Variants in TBC1D4 observed in about 807,000 individuals in gnomAD.
TBC1D4 encodes TBC1 domain family member 4.
In TBC1D4, 121 loss-of-function variants were observed where a neutral mutation model predicts 142.5. The observed-to-expected ratio is 0.85, with a 90% confidence interval of 0.73 to 0.99. The LOEUF is 0.99. Among genes scored for constraint, TBC1D4 ranks in the 50% least tolerant of loss-of-function variants. The pLI is 0.00. For synonymous variants in TBC1D4, 630 were observed against 628.2 expected, an observed-to-expected ratio of 1.00 and a Z score of -0.04; for missense variants, 1,475 against 1,606.6, an observed-to-expected ratio of 0.92 and a Z score of 1.40.
chr13:75,298,103 G>GA (rs869195722), intron 17 of TBC1D4, among the ~76,000 whole-genome samples: 2 of 39,914 alleles, frequency 5.0e-5, no homozygotes, highest in Admixed American at 5.3e-4. Context: ...CTGGGAAACA[G>GA]AAAAAAATAG....
At chr13:75,461,673 A>G (rs1887973605) in intron 1 of TBC1D4, among the ~76,000 whole-genome samples, 1 of 152,224 alleles carries the variant, frequency 6.6e-6, no homozygotes, top group Admixed American at 6.5e-5. Context: ...TGAGTTCTTC[A>G]TTTCCTACAT....
chr13:75,390,309 G>GAA (rs1224601654), intron 1 of TBC1D4, among the ~76,000 whole-genome samples: 1 of 145,302 alleles, frequency 6.9e-6, no homozygotes, highest in Non-Finnish European at 1.5e-5. Context: ...AGAAAGAAAA[G>GAA]AAAAGAAGTC....
At chr13:75,333,527 C>G (rs1057172734) in intron 8 of TBC1D4, among the ~76,000 whole-genome samples, 1 of 152,104 alleles carries the variant, frequency 6.6e-6, no homozygotes, top group Non-Finnish European at 1.5e-5. Context: ...AAGTACAGTA[C>G]AAAAATTTTT....
chr13:75,432,707 T>C (rs1886640472), intron 1 of TBC1D4, among the ~76,000 whole-genome samples: 1 of 152,176 alleles, frequency 6.6e-6, no homozygotes, highest in Non-Finnish European at 1.5e-5. Context: ...TGATGCACTT[T>C]CTATAGCCTC....
At chr13:75,388,446 G>T (rs1006427252) in intron 1 of TBC1D4, among the ~76,000 whole-genome samples, 11 of 152,030 alleles carry the variant, frequency 7.2e-5, no homozygotes, top group Admixed American at 7.2e-4. Context: ...GTTCTCAAAG[G>T]TTAAATTTTA....
intron 1 of TBC1D4, among the ~76,000 whole-genome samples, chr13:75,422,688 G>T (rs899068687): frequency 6.6e-6 from 1 of 152,072 alleles, no homozygotes; most frequent in African/African-American, 2.4e-5. Context: ...TATTCTCTGG[G>T]CATTTATATT....
Position 75,362,573 on chromosome 13 carries a change from GATA to G in TBC1D4, c.530_532del (p.Leu177del). ...GGCATCCTCTTTCATGGCCGCTTTA[GATA>G]ATTGCCTTATGCTGCTAATAACATC... is the stretch of plus-strand genomic sequence containing the variant. On this transcript the variant is annotated inframe_deletion, in exon 2 of 21. Coordinates refer to ENST00000377636, the MANE Select transcript of TBC1D4 (RefSeq NM_014832.5). This position sits in a 1 kb window ranked among gnomAD's most constrained non-coding sequence, Gnocchi z 4.2. 6.2e-7 allele frequency: 1 copy of G among 1,614,138 alleles called. No individual in the cohort carries two copies. Among genetic ancestry groups the G allele is most frequent in the Non-Finnish European group, 8.5e-7 (1 of 1,180,008 alleles).
chr13:75,399,009 G>GA (rs1251756016), intron 1 of TBC1D4, among the ~76,000 whole-genome samples: 3 of 152,176 alleles, frequency 2.0e-5, no homozygotes, highest in Admixed American at 2.0e-4. Flanking sequence ...TTGATATACA[G>GA]AAAGTTCTTA....
At position 75,466,096 on chromosome 13, in the gene TBC1D4, G is replaced by A. The variant is rs150972591; in HGVS notation, c.498+15174C>T. Among the ~76,000 whole-genome samples, 10 of 152,274 alleles carry A rather than the reference G, an allele frequency of 6.6e-5. No homozygotes were observed. In the South Asian group the frequency reaches 1.5e-3, roughly 22 times the overall value. The stretch of plus-strand genomic sequence containing the variant: ...TCATCTGAGAGCTGTGTCAGAGGCC[G>A]TTGGTCACTCCTATTTGTCTCAGAA... On this transcript the variant is annotated intron_variant, in intron 1 of 20. Coordinates refer to ENST00000377636, the MANE Select transcript of TBC1D4 (RefSeq NM_014832.5).
chr13:75,291,322 C>T (rs867302381), intron 19 of TBC1D4, among the ~76,000 whole-genome samples: 1 of 152,182 alleles, frequency 6.6e-6, no homozygotes, highest in African/African-American at 2.4e-5. Context: ...ACCACAACAA[C>T]CAGCACAGAA....
chr13:75,468,868 AC>A (rs1473979535), intron 1 of TBC1D4, among the ~76,000 whole-genome samples: 4 of 152,182 alleles, frequency 2.6e-5, no homozygotes, highest in Non-Finnish European at 5.9e-5. Context: ...TGGGCACACA[AC>A]CATGTGCAGG....
At chr13:75,410,417 C>T (rs1885589634) in intron 1 of TBC1D4, among the ~76,000 whole-genome samples, 2 of 152,100 alleles carry the variant, frequency 1.3e-5, no homozygotes, top group African/African-American at 2.4e-5. Flanking sequence ...TACCACAGCC[C>T]GTCACGCTAA....
intron 1 of TBC1D4, among the ~76,000 whole-genome samples, chr13:75,383,089 A>G (rs1337674310): frequency 6.6e-6 from 1 of 152,222 alleles, no homozygotes; most frequent in Non-Finnish European, 1.5e-5. Flanking sequence ...CGGGAGGCAG[A>G]GGCAGGCGGC....
chr13:75,356,889 T>C (rs1318003810), intron 3 of TBC1D4, among the ~76,000 whole-genome samples: 2 of 152,170 alleles, frequency 1.3e-5, no homozygotes, highest in Non-Finnish European at 2.9e-5. Flanking sequence ...GTGATTTTCA[T>C]TCAGTCTGAA....
chr13:75,349,989 T>A lies in TBC1D4; in HGVS notation c.1276-687A>T, dbSNP rs572764514. 1.3e-4 allele frequency among the ~76,000 whole-genome samples: 20 copies of A among 152,350 alleles called. 1 individual carries two copies. In the East Asian group the frequency reaches 3.7e-3, roughly 28 times the overall value. On this transcript the variant is annotated intron_variant, in intron 4 of 20. Coordinates refer to ENST00000377636, the MANE Select transcript of TBC1D4 (RefSeq NM_014832.5). ...AGTTAACTTCTTTTTTGTTCCTCCA[T>A]GACCCAGTCAAAAAGTTTTAATCTA...
chr13:75,394,364 C>T (rs1884663699), intron 1 of TBC1D4, among the ~76,000 whole-genome samples: 1 of 152,110 alleles, frequency 6.6e-6, no homozygotes, highest in Non-Finnish European at 1.5e-5. Flanking sequence ...CACAGATTTA[C>T]AATCTAGCCA....
chr13:75,409,644 T>C (rs1312446344), intron 1 of TBC1D4, among the ~76,000 whole-genome samples: 1 of 152,200 alleles, frequency 6.6e-6, no homozygotes. Flanking sequence ...CACAGTAAAA[T>C]ACACGGAATC....
intron 11 of TBC1D4, 67 bp from the exon 12 acceptor site, chr13:75,320,104 T>C (rs1878629093): frequency 1.3e-6 from 2 of 1,557,194 alleles, no homozygotes; most frequent in South Asian, 1.1e-5. Flanking sequence ...GGATTCAGGA[T>C]AAAAGGCATT....
Position 75,302,272 on chromosome 13 carries a change from G to C in TBC1D4, c.2882C>G (p.Ala961Gly). The change falls in exon 16 of 21, where the codon GCT becomes GGT. Residue 961 changes from alanine to glycine, a missense_variant. Physicochemically the swap from Ala to Gly is moderately conservative, Grantham distance 60 (BLOSUM62 0). Coordinates refer to ENST00000377636, the MANE Select transcript of TBC1D4 (RefSeq NM_014832.5). ...SYKELLKQLT[A>G]QQHAILVDLG... ...ATCCACGAGAATCGCATGCTGCTGA[G>C]CAGTGAGCTGCTTCAAAAGTTCCTT... 2 of 1,614,194 alleles carry C rather than the reference G, an allele frequency of 1.2e-6. No homozygotes were observed. Among genetic ancestry groups the C allele is most frequent in the Non-Finnish European group, 1.7e-6 (2 of 1,180,028 alleles).
Sources: gnomAD v4.1 joint callset for allele counts (sites outside exome capture counted in the v4.1 genomes callset) on GRCh38, gnomAD v4.1.1 for gene constraint, Gnocchi (gnomAD v3.1) non-coding constraint, MANE v1.5 for transcripts, NCBI Gene and HGNC (gene_info 2026-07-23, HGNC 2026-07-21) for gene names.